The following STARD13 variants were observed in gnomAD, a reference collection of about 807,000 sequenced individuals.
STARD13 encodes stAR-related lipid transfer protein 13.
In STARD13, 62 loss-of-function variants were observed where a neutral mutation model predicts 106.4. The ratio of observed to expected loss-of-function variants is 0.58; its 90% confidence interval spans 0.48 to 0.72. The LOEUF is 0.72. Among genes scored for constraint, STARD13 ranks in the 30% least tolerant of loss-of-function variants. STARD13 has a pLI of 0.00. For missense variants in STARD13, 1,387 were observed against 1,424.0 expected, an observed-to-expected ratio of 0.97 and a Z score of 0.42; for synonymous variants, 565 against 553.0, an observed-to-expected ratio of 1.02 and a Z score of -0.31.
chr13:33,441,791 G>C, the STARD13 span, among the ~76,000 whole-genome samples: 2,460 of 152,150 alleles, frequency 0.016, 44 homozygotes, highest in African/African-American at 0.045. Flanking sequence ...TATATTCTAC[G>C]CCTGTGCTCA....
At chr13:33,602,077 G>A in the STARD13 span, among the ~76,000 whole-genome samples, 2,354 of 151,100 alleles carry the variant, frequency 0.016, 74 homozygotes, top group African/African-American at 0.054. Context: ...CTCCTGTGAC[G>A]AACATCTAGT....
chr13:33,294,041 C>T (rs1892393942), intron 1 of STARD13, among the ~76,000 whole-genome samples: 1 of 152,156 alleles, frequency 6.6e-6, no homozygotes, highest in African/African-American at 2.4e-5. Flanking sequence ...ATGCTTTGAC[C>T]ATCAAACAGG....
At chr13:33,419,491 G>A in the STARD13 span, among the ~76,000 whole-genome samples, 1 of 151,602 alleles carries the variant, frequency 6.6e-6, no homozygotes, top group African/African-American at 2.4e-5. Context: ...ATCTACATTT[G>A]ATTGGTGATG....
the STARD13 span, among the ~76,000 whole-genome samples, chr13:33,516,068 C>CAT: frequency 6.6e-6 from 1 of 150,686 alleles, no homozygotes; most frequent in Non-Finnish European, 1.5e-5. Flanking sequence ...TATATATCCA[C>CAT]ATATATATAC....
the STARD13 span, among the ~76,000 whole-genome samples, chr13:33,633,643 G>A: frequency 6.6e-6 from 1 of 152,168 alleles, no homozygotes; most frequent in African/African-American, 2.4e-5. Context: ...TCTGAATAAT[G>A]TTTAAAAAGT....
intron 1 of STARD13, among the ~76,000 whole-genome samples, chr13:33,190,097 G>T (rs1886131777): frequency 1.3e-5 from 2 of 151,860 alleles, no homozygotes; most frequent in Admixed American, 6.6e-5. Context: ...ATCATGGCTA[G>T]TGAATACCAA....
chr13:33,590,787 A>G, the STARD13 span, among the ~76,000 whole-genome samples: 1 of 152,064 alleles, frequency 6.6e-6, no homozygotes, highest in Non-Finnish European at 1.5e-5. Flanking sequence ...GCACAGCAAT[A>G]TGGCACATGT....
chr13:33,189,757 C>G (rs73179028), intron 1 of STARD13, among the ~76,000 whole-genome samples: 1 of 151,852 alleles, frequency 6.6e-6, no homozygotes, highest in East Asian at 1.9e-4. Context: ...CAGTTACTCT[C>G]TCATGTACAA....
chr13:33,429,964 C>T, the STARD13 span, among the ~76,000 whole-genome samples: 5 of 150,362 alleles, frequency 3.3e-5, no homozygotes, highest in Non-Finnish European at 7.4e-5. Context: ...GTTGCCCAGG[C>T]TGGAGTGCAG....
chr13:33,494,484 G>C, the STARD13 span, among the ~76,000 whole-genome samples: 6 of 152,082 alleles, frequency 3.9e-5, no homozygotes, highest in Non-Finnish European at 8.8e-5. Flanking sequence ...CGAAATGGGC[G>C]TGAAAAGGAA....
At chr13:33,538,488 A>G in the STARD13 span, among the ~76,000 whole-genome samples, 2 of 152,216 alleles carry the variant, frequency 1.3e-5, no homozygotes, top group African/African-American at 4.8e-5. Context: ...AATAGACGAG[A>G]CCTAACAAAG....
chr13:33,185,786 T>C, intron 1 of STARD13: 1 of 1,285,926 alleles, frequency 7.8e-7, no homozygotes. Flanking sequence ...CCAGACCACC[T>C]GACCACTGCC....
exon 1 of STARD13, chr13:33,350,544 G>T (rs1185385398): frequency 2.1e-6 from 3 of 1,436,190 alleles, no homozygotes; most frequent in Non-Finnish European, 2.7e-6. Context: ...CAATGCGGGC[G>T]CGACATGGGT....
chr13:33,394,009 C>A, the STARD13 span, among the ~76,000 whole-genome samples: 2 of 152,070 alleles, frequency 1.3e-5, no homozygotes, highest in Non-Finnish European at 2.9e-5. Flanking sequence ...TATATAAAGG[C>A]ATAAGGAAAT....
upstream of STARD13, chr13:33,285,908 C>G (rs138608472): frequency 2.0e-4 from 61 of 298,474 alleles, no homozygotes; most frequent in East Asian, 7.1e-3. Context: ...CCGCCAGGGT[C>G]CCTCACACAA....
intron 1 of STARD13, among the ~76,000 whole-genome samples, chr13:33,201,668 C>T (rs1224734155): frequency 6.6e-6 from 1 of 152,194 alleles, no homozygotes; most frequent in African/African-American, 2.4e-5. Flanking sequence ...TAGGCCCCTT[C>T]TGATACTCAG....
intron 1 of STARD13, among the ~76,000 whole-genome samples, chr13:33,327,928 G>T (rs2138549964): frequency 6.6e-6 from 1 of 152,330 alleles, no homozygotes; most frequent in South Asian, 2.1e-4. Context: ...TTCAAAAGTT[G>T]ACAATTCCCA....
chr13:33,197,477 A>G (rs1886712572), intron 1 of STARD13, among the ~76,000 whole-genome samples: 1 of 151,886 alleles, frequency 6.6e-6, no homozygotes, highest in Non-Finnish European at 1.5e-5. Context: ...CGTCAGCCCA[A>G]TAAAACTTGT....
the STARD13 span, among the ~76,000 whole-genome samples, chr13:33,563,737 C>G: frequency 1.4e-5 from 2 of 147,462 alleles, 1 homozygote; most frequent in Non-Finnish European, 3.0e-5. Context: ...GAATTACATC[C>G]AGCCTAAAAG....
Sources: allele counts gnomAD v4.1 joint callset (sites outside exome capture counted in the v4.1 genomes callset), GRCh38; gene constraint gnomAD v4.1.1; transcripts MANE v1.5; gene names NCBI Gene and HGNC (gene_info 2026-07-23, HGNC 2026-07-21).